KCTD15: variants seen among roughly 807,000 people sequenced by gnomAD.
The protein encoded by KCTD15 is potassium channel tetramerization domain containing 15, also known as BTB/POZ domain-containing protein KCTD15.
A neutral mutation model predicts 27.2 loss-of-function variants in KCTD15; 11 were observed. That is an observed-to-expected ratio of 0.41 (90% CI 0.25 to 0.67). The LOEUF is 0.67. Among genes scored for constraint, KCTD15 ranks in the 30% least tolerant of loss-of-function variants. The pLI, the probability that KCTD15 is intolerant of heterozygous loss-of-function variation, is 0.35. For missense variants in KCTD15, 350 were observed against 409.3 expected (o/e 0.86, Z 1.25); for synonymous variants, 163 against 176.0 (o/e 0.93, Z 0.58).
At chr19:33,805,297 C>T (rs1021710691) in intron 4 of KCTD15, among the ~76,000 whole-genome samples, 10 of 152,202 alleles carry the variant, frequency 6.6e-5, no homozygotes, top group South Asian at 4.1e-4. Context: ...CCCGGGCAGA[C>T]CATCATGGCT....
At chr19:33,795,130 A>C (rs1975277057), upstream of KCTD15, among the ~76,000 whole-genome samples, 1 of 152,246 alleles carries the variant, frequency 6.6e-6, no homozygotes, top group Admixed American at 6.5e-5. Context: ...AAGCTATTTA[A>C]ATCTATAAAT....
Position 33,798,658 on chromosome 19 carries a change from C to T in KCTD15, c.-126-10C>T, listed in dbSNP as rs1975433082. Reference sequence around the variant, plus strand: ...TCTCACTGCACCCACTTTTGTGCTTCTGACTTAAGCAGTGGTCTCGGAAAG... The same window carrying T: ...TCTCACTGCACCCACTTTTGTGCTTTTGACTTAAGCAGTGGTCTCGGAAAG... On this transcript the variant is annotated splice_polypyrimidine_tract_variant and intron_variant, in intron 1 of 6. Transcript: ENST00000683859. The T allele has an allele frequency of 1.3e-5, 2 of 152,730 alleles. No individual in the cohort carries two copies. Among genetic ancestry groups the T allele is most frequent in the Admixed American group, 1.3e-4 (2 of 15,290 alleles). The allele number at this position is 152,730 out of a possible 1,614,324, so 9.5% of individuals were successfully genotyped here.
chr19:33,812,188 T>C (rs2145498352), intron 6 of KCTD15: 2 of 1,132,292 alleles, frequency 1.8e-6, no homozygotes, highest in African/African-American at 3.3e-5. Flanking sequence ...AGGAGACGGG[T>C]GTTACACGCA....
chr19:33,811,552 G>C lies in KCTD15; in HGVS notation c.693G>C (p.Gln231His). 6.3e-7 allele frequency: 1 copy of C among 1,598,474 alleles called. No homozygotes were observed. The highest frequency in any genetic ancestry group is 1.1e-5 in the South Asian group (1 of 89,414). ...LNGYCRLNSV[Q>H]VLERLFQRGF... ...GCTACTGCCGGCTCAACTCGGTACA[G>C]GTGAGGGCTGCACGCTGCCCCCTCC... Residue 231 changes from glutamine (Q) to histidine (H), a missense_variant and splice_region_variant, in exon 6 of 7, where the codon CAG (glutamine) becomes CAC (histidine). Coordinates refer to ENST00000683859, the MANE Select transcript of KCTD15 (RefSeq NM_001129994.2).
chr19:33,800,542 G>A (rs1302892967), intron 3 of KCTD15, 22 bp downstream of exon 3: 1 of 1,567,394 alleles, frequency 6.4e-7, no homozygotes, highest in Non-Finnish European at 8.7e-7. Context: ...GGGTGGGCTG[G>A]GTCCCTGCCG....
At chr19:33,795,756 G>T (rs1250329620), upstream of KCTD15, among the ~76,000 whole-genome samples, 1 of 152,090 alleles carries the variant, frequency 6.6e-6, no homozygotes, top group Non-Finnish European at 1.5e-5. Flanking sequence ...GACTGGGGAG[G>T]GGCGTCCGGG....
chr19:33,812,018 G>T, intron 6 of KCTD15: 3 of 1,447,474 alleles, frequency 2.1e-6, no homozygotes, highest in Middle Eastern at 2.1e-4. Context: ...ATGGGTCCAA[G>T]AATTGGACAG....
chr19:33,805,691 G>A (rs1045177346), intron 4 of KCTD15, among the ~76,000 whole-genome samples: 1 of 152,334 alleles, frequency 6.6e-6, no homozygotes, highest in South Asian at 2.1e-4. Flanking sequence ...AGGATGTGGT[G>A]GTGCTGCCCT....
At chr19:33,795,369 C>G (rs1269099089), upstream of KCTD15, among the ~76,000 whole-genome samples, 1 of 152,126 alleles carries the variant, frequency 6.6e-6, no homozygotes, top group Admixed American at 6.5e-5. Context: ...GAGAAAGCCC[C>G]CCCCACTTCA....
intron 5 of KCTD15, 124 bp downstream of exon 5, chr19:33,807,131 G>A (rs923498150): frequency 2.0e-5 from 24 of 1,193,866 alleles, no homozygotes; most frequent in Admixed American, 9.9e-5. Flanking sequence ...CGATGAAGCC[G>A]AGGGCTAAAT....
chr19:33,802,170 G>A (rs1280493895), intron 4 of KCTD15, among the ~76,000 whole-genome samples: 4 of 152,188 alleles, frequency 2.6e-5, no homozygotes, highest in Admixed American at 6.5e-5. Context: ...AGTAGGGTGG[G>A]TCTTGAGCAG....
At chr19:33,807,539 T>C (rs929249953) in intron 5 of KCTD15, among the ~76,000 whole-genome samples, 1 of 152,188 alleles carries the variant, frequency 6.6e-6, no homozygotes, top group African/African-American at 2.4e-5. Flanking sequence ...CTGGCCAAGA[T>C]GGTGAAACAC....
chr19:33,797,412 C>T (rs1376466186), intron 1 of KCTD15: 2 of 455,018 alleles, frequency 4.4e-6, no homozygotes, highest in Non-Finnish European at 8.8e-6. Context: ...TCGGGATGCA[C>T]AAGTCCCGGC....
At chr19:33,811,174 G>GC in intron 5 of KCTD15, 73 bp from the exon 6 acceptor site, 1 of 1,069,516 alleles carries the variant, frequency 9.4e-7, no homozygotes, top group Non-Finnish European at 1.3e-6. Context: ...CCGGCAGGCC[G>GC]CCTCCCCTCT....
At position 33,806,872 on chromosome 19, in the gene KCTD15, C is replaced by T. The variant is rs774066081; in HGVS notation, c.252C>T (p.Arg84=). ...CGCCTGTCTCTCCCAGGATAAGCCG[C>T]CTCTTCAATGGCACTGAACCCATCG... The part of the protein sequence containing the change: ...LTKYPDSRIS[R]LFNGTEPIVL... The change falls in exon 5 of 7, where the codon CGC becomes CGT. Residue 84 remains arginine, a synonymous_variant. Coordinates refer to ENST00000683859, the MANE Select transcript of KCTD15 (RefSeq NM_001129994.2). 6.8e-6 allele frequency: 11 copies of T among 1,614,000 alleles called. No homozygotes were observed. The Middle Eastern group carries it at 5.0e-4, about 73-fold the overall frequency.
rs764153597 is a variant in KCTD15, at chr19:33,806,914, G to A, written c.294G>A (p.Lys98=). 1 of 1,614,182 alleles carries A rather than the reference G, an allele frequency of 6.2e-7. No homozygotes were observed. Among genetic ancestry groups the A allele is most frequent in the South Asian group, 1.1e-5 (1 of 91,082 alleles). The change falls in exon 5 of 7, where the codon AAG becomes AAA. Residue 98 remains lysine (K), a synonymous_variant. Transcript: ENST00000683859. ...GTEPIVLDSL[K]QHYFIDRDGE... ...AACCCATCGTCCTGGACAGTTTGAA[G>A]CAACATTATTTCATTGACCGGGATG...
chr19:33,804,099 A>C (rs1031588612), intron 4 of KCTD15, among the ~76,000 whole-genome samples: 1 of 152,214 alleles, frequency 6.6e-6, no homozygotes, highest in African/African-American at 2.4e-5. Flanking sequence ...TCATACCTGC[A>C]GGGCTGAGAA....
rs1350439886 is a variant in KCTD15 at position 33,811,429 on chromosome 19, C to T, written c.570C>T (p.Ile190=). Residue 190 remains isoleucine, a synonymous_variant, in exon 6 of 7, where the codon ATC becomes ATT. Transcript: ENST00000683859. ...RIALSGEKAL[I]EEVFPETGDV... The stretch of plus-strand genomic sequence containing the variant: ...CACTCAGCGGCGAGAAGGCCCTCAT[C>T]GAGGAGGTCTTCCCCGAGACCGGAG... 1.9e-6 allele frequency: 3 copies of T among 1,612,032 alleles called. No individual in the cohort carries two copies. The highest frequency in any genetic ancestry group is 1.3e-5 in the African/African-American group (1 of 74,916).
At chr19:33,799,620 T>G (rs1975463645) in intron 2 of KCTD15, 1 of 152,312 alleles carries the variant, frequency 6.6e-6, no homozygotes, top group Non-Finnish European at 1.5e-5. Flanking sequence ...GGAGAGTTAC[T>G]GAGTGCCTCT....
Sources: allele counts gnomAD v4.1 joint callset (sites outside exome capture counted in the v4.1 genomes callset), GRCh38; gene constraint gnomAD v4.1.1; transcripts MANE v1.5; gene names NCBI Gene and HGNC (gene_info 2026-07-23, HGNC 2026-07-21).